The following KATNAL2 variants were observed in gnomAD, a reference collection of about 807,000 sequenced individuals.
The protein encoded by KATNAL2 is katanin p60 ATPase-containing subunit A-like 2.
A neutral mutation model predicts 76.3 loss-of-function variants in KATNAL2; 52 were observed. That is an observed-to-expected ratio of 0.68 (90% CI 0.55 to 0.86). KATNAL2 has a LOEUF of 0.86. Ranked by LOEUF, KATNAL2 falls within the 40% of genes least tolerant of loss-of-function variation. KATNAL2 has a pLI of 0.00. For missense variants in KATNAL2, 660 were observed against 668.9 expected (o/e 0.99, Z 0.15); for synonymous variants, 243 against 244.2 (o/e 1.00, Z 0.05).
At chr18:46,950,873 G>A (rs1030507815) in intron 3 of KATNAL2, among the ~76,000 whole-genome samples, 40 of 151,996 alleles carry the variant, frequency 2.6e-4, no homozygotes, top group African/African-American at 9.2e-4. Flanking sequence ...TAGTAGAGAC[G>A]GAGTTTCTCC....
At chr18:47,054,309 T>C in intron 5 of KATNAL2, 87 bp from the exon 6 acceptor site, 2 of 1,188,700 alleles carry the variant, frequency 1.7e-6, no homozygotes, top group Non-Finnish European at 2.5e-6. Context: ...TTAAGAACAA[T>C]GCAAAAAGGG....
intron 15 of KATNAL2, among the ~76,000 whole-genome samples, chr18:47,088,647 C>G (rs2062875481): frequency 6.6e-6 from 1 of 152,124 alleles, no homozygotes; most frequent in Admixed American, 6.6e-5. Flanking sequence ...GATGCAATCT[C>G]AGCCCACTGC....
intron 15 of KATNAL2, among the ~76,000 whole-genome samples, chr18:47,086,091 G>A (rs1218833631): frequency 1.3e-5 from 2 of 151,730 alleles, no homozygotes; most frequent in East Asian, 1.9e-4. Flanking sequence ...GCAACACCCT[G>A]TCTCTTAAAA....
intron 15 of KATNAL2, among the ~76,000 whole-genome samples, chr18:47,081,439 T>A (rs56228796): frequency 6.6e-6 from 1 of 152,212 alleles, no homozygotes. Flanking sequence ...TAAAAATTAG[T>A]GTGATATTGT....
intron 4 of KATNAL2, among the ~76,000 whole-genome samples, chr18:47,048,351 A>C (rs1404528322): frequency 6.6e-6 from 1 of 152,158 alleles, no homozygotes; most frequent in East Asian, 1.9e-4. Flanking sequence ...ACAAAGGAAA[A>C]AGGTGAGGAG....
intron 1 of KATNAL2, among the ~76,000 whole-genome samples, chr18:46,927,899 C>T (rs1450940860): frequency 6.6e-6 from 1 of 152,184 alleles, no homozygotes; most frequent in Non-Finnish European, 1.5e-5. Context: ...CTTCTGCATT[C>T]GTCACGTAGC....
chr18:46,924,272 C>A lies in KATNAL2; in HGVS notation c.-510+6346C>A, dbSNP rs558138271. Among the ~76,000 whole-genome samples, 5 of 152,290 alleles carry A rather than the reference C, an allele frequency of 3.3e-5. 1 individual carries two copies. Among genetic ancestry groups the A allele is most frequent in the African/African-American group, 1.2e-4 (5 of 41,556 alleles). ...TTTGTATAAGGTGTAAGGGAGGGAT[C>A]CAGTTTCAGCTTTCTGCATATGGCT... On this transcript the variant is annotated intron_variant, in intron 1 of 17. Coordinates refer to ENST00000683218, the MANE Select transcript of KATNAL2 (RefSeq NM_001387690.1).
At chr18:46,939,069 T>C (rs942298528) in intron 1 of KATNAL2, among the ~76,000 whole-genome samples, 2 of 152,100 alleles carry the variant, frequency 1.3e-5, no homozygotes, top group African/African-American at 4.8e-5. Context: ...AGGCTAGGCA[T>C]GGTGGTTCAT....
At chr18:47,039,570 A>T (rs1599617986) in intron 3 of KATNAL2, among the ~76,000 whole-genome samples, 2 of 152,252 alleles carry the variant, frequency 1.3e-5, no homozygotes, top group East Asian at 3.9e-4. Context: ...GCACACATGG[A>T]GTATTTCTAT....
At chr18:47,079,053 C>A (rs1275912323) in intron 15 of KATNAL2, among the ~76,000 whole-genome samples, 1 of 152,110 alleles carries the variant, frequency 6.6e-6, no homozygotes, top group African/African-American at 2.4e-5. Flanking sequence ...AATGAACCCA[C>A]CATCTCCCCG....
At chr18:46,919,060 TA>T (rs1568962249) in intron 1 of KATNAL2, among the ~76,000 whole-genome samples, 2 of 151,282 alleles carry the variant, frequency 1.3e-5, no homozygotes, top group Non-Finnish European at 2.9e-5. Context: ...CACACACACA[TA>T]TTGTTTTGGC....
At chr18:47,076,427 G>A (rs1017582356) in intron 14 of KATNAL2, 1 of 135,594 alleles carries the variant, frequency 7.4e-6, no homozygotes, top group Non-Finnish European at 1.7e-5. Flanking sequence ...ACCTAGATGG[G>A]AATGCACCAG....
chr18:47,088,681 C>T (rs537528551), intron 15 of KATNAL2, among the ~76,000 whole-genome samples: 2 of 152,156 alleles, frequency 1.3e-5, no homozygotes, highest in South Asian at 2.1e-4. Flanking sequence ...CAGGTTCAAG[C>T]GATCCTCCCA....
At chr18:46,955,739 A>G (rs1307542512) in intron 3 of KATNAL2, among the ~76,000 whole-genome samples, 1 of 151,818 alleles carries the variant, frequency 6.6e-6, no homozygotes. Context: ...TTTTGTAGAG[A>G]TGGGGGTCTC....
chr18:46,922,685 A>G (rs1385269908), intron 1 of KATNAL2, among the ~76,000 whole-genome samples: 2 of 151,556 alleles, frequency 1.3e-5, no homozygotes, highest in African/African-American at 4.8e-5. Flanking sequence ...TAATCCTAGC[A>G]ACTTGGGAGG....
At chr18:47,083,688 T>C (rs1431353717) in intron 15 of KATNAL2, among the ~76,000 whole-genome samples, 1 of 152,188 alleles carries the variant, frequency 6.6e-6, no homozygotes, top group South Asian at 2.1e-4. Context: ...GAATAACAAA[T>C]GCTGCACCTT....
intron 3 of KATNAL2, chr18:47,034,137 G>T (rs1434650735): frequency 6.2e-7 from 1 of 1,614,036 alleles, no homozygotes; most frequent in African/African-American, 1.3e-5. Flanking sequence ...TGGGCTGCTC[G>T]AATTCCTCAG....
At chr18:47,082,296 C>T (rs915244720) in intron 15 of KATNAL2, among the ~76,000 whole-genome samples, 8 of 152,126 alleles carry the variant, frequency 5.3e-5, no homozygotes, top group Admixed American at 2.0e-4. Flanking sequence ...GCCCACTATC[C>T]ACTAGATGCC....
At chr18:47,035,599 A>G in intron 3 of KATNAL2, 1 of 516,304 alleles carries the variant, frequency 1.9e-6, no homozygotes, top group East Asian at 3.7e-5. Flanking sequence ...GCTGACACTC[A>G]CGGCTCTAGC....
Sources: allele counts gnomAD v4.1 joint callset (sites outside exome capture counted in the v4.1 genomes callset), GRCh38; gene constraint gnomAD v4.1.1; transcripts MANE v1.5; gene names NCBI Gene and HGNC (gene_info 2026-07-23, HGNC 2026-07-21).